NFAT5: variants seen among roughly 807,000 people sequenced by gnomAD.
The protein encoded by NFAT5 is nuclear factor of activated T-cells 5.
NFAT5 carries 31 observed loss-of-function variants against 166.5 expected under a neutral mutation model. That is an observed-to-expected ratio of 0.19 (90% CI 0.14 to 0.25). NFAT5 has a LOEUF of 0.25. NFAT5 is among the 10% of genes least tolerant of loss of function. The pLI is 1.00. For missense variants in NFAT5, 1,449 were observed against 1,821.8 expected (o/e 0.80, Z 3.72); for synonymous variants, 612 against 639.7 (o/e 0.96, Z 0.65).
At chr16:69,629,815 G>A (rs551244885) in intron 3 of NFAT5, among the ~76,000 whole-genome samples, 2 of 148,454 alleles carry the variant, frequency 1.3e-5, no homozygotes, top group East Asian at 2.0e-4. Context: ...TGTCACCCAG[G>A]CTGAATGCAC....
At chr16:69,648,607 G>T in intron 4 of NFAT5, 1 of 983,696 alleles carries the variant, frequency 1.0e-6, no homozygotes, top group Non-Finnish European at 1.2e-6. Context: ...AATATTCACT[G>T]CTATAATGCA....
At chr16:69,648,853 T>A in intron 4 of NFAT5, 1 of 925,368 alleles carries the variant, frequency 1.1e-6, no homozygotes, top group Non-Finnish European at 1.3e-6. Context: ...TTGAATATTA[T>A]AGAGAATATT....
intron 11 of NFAT5, among the ~76,000 whole-genome samples, chr16:69,688,219 A>C (rs1367701327): frequency 6.9e-6 from 1 of 145,606 alleles, no homozygotes; most frequent in South Asian, 2.1e-4. Flanking sequence ...AAAAAAAAAA[A>C]AAAAAAACCA....
At chr16:69,646,994 T>A (rs576853815) in intron 3 of NFAT5, 34 bp from the exon 4 acceptor site, 2 of 1,491,662 alleles carry the variant, frequency 1.3e-6, no homozygotes, top group Non-Finnish European at 1.8e-6. Flanking sequence ...TGAAAACATG[T>A]ATAGTGTATT....
At chr16:69,648,629 C>CT in intron 4 of NFAT5, 1 of 975,348 alleles carries the variant, frequency 1.0e-6, no homozygotes, top group South Asian at 4.7e-5. Flanking sequence ...ACTAGTATGA[C>CT]TTTTAATTCC....
intron 10 of NFAT5, among the ~76,000 whole-genome samples, chr16:69,679,084 C>T (rs1482410940): frequency 6.6e-6 from 1 of 151,986 alleles, no homozygotes; most frequent in Non-Finnish European, 1.5e-5. Context: ...TACAGGCATG[C>T]ACCACCATAC....
intron 2 of NFAT5, among the ~76,000 whole-genome samples, chr16:69,588,957 C>T (rs1318301651): frequency 6.7e-6 from 1 of 148,768 alleles, no homozygotes; most frequent in Admixed American, 6.7e-5. Context: ...TGGTGTTGGA[C>T]CCTCCCTCCT....
intron 7 of NFAT5, among the ~76,000 whole-genome samples, chr16:69,661,517 C>A (rs954835156): frequency 1.2e-4 from 14 of 117,842 alleles, no homozygotes; most frequent in Non-Finnish European, 1.6e-4. Context: ...GCACTCCAGC[C>A]TGTATAAGAG....
chr16:69,576,315 C>T (rs896781894), intron 2 of NFAT5, among the ~76,000 whole-genome samples: 2 of 142,992 alleles, frequency 1.4e-5, no homozygotes, highest in African/African-American at 2.6e-5. Context: ...AAAAAAAGAA[C>T]GTTTGAAATT....
intron 2 of NFAT5, among the ~76,000 whole-genome samples, chr16:69,573,613 C>G (rs1427292369): frequency 6.6e-6 from 1 of 152,102 alleles, no homozygotes; most frequent in Non-Finnish European, 1.5e-5. Context: ...GTCTTTAGAT[C>G]CATCTCTTTC....
intron 11 of NFAT5, among the ~76,000 whole-genome samples, chr16:69,688,225 A>AAAAAAAAAAAAAAAAAAAAAAAAAAAC (rs1567609428): frequency 6.9e-6 from 1 of 144,706 alleles, no homozygotes; most frequent in Non-Finnish European, 1.5e-5. Context: ...AAAAAAAAAA[A>AAAAAAAAAAAAAAAAAAAAAAAAAAAC]ACCAGGAGTT....
chr16:69,694,312 G>C, intron 13 of NFAT5, 73 bp downstream of exon 13: 2 of 1,197,996 alleles, frequency 1.7e-6, no homozygotes, highest in Non-Finnish European at 2.3e-6. Flanking sequence ...GCAGTGGTGC[G>C]ATCTCAGCTC....
chr16:69,587,240 GTA>G (rs1290503218), intron 2 of NFAT5, among the ~76,000 whole-genome samples: 1 of 103,748 alleles, frequency 9.6e-6, no homozygotes, highest in African/African-American at 5.2e-5. Flanking sequence ...CTAATTTTTT[GTA>G]TTTTTTTTTT....
chr16:69,606,540 A>C (rs2033420246), intron 2 of NFAT5, among the ~76,000 whole-genome samples: 1 of 152,172 alleles, frequency 6.6e-6, no homozygotes, highest in Admixed American at 6.5e-5. Context: ...TACTTACTAT[A>C]GGAAGTACAA....
chr16:69,684,196 T>C (rs1411633786), intron 10 of NFAT5, among the ~76,000 whole-genome samples: 2 of 144,980 alleles, frequency 1.4e-5, no homozygotes, highest in East Asian at 4.1e-4. Flanking sequence ...GAGGTGGAGG[T>C]TGCAGTGAGC....
intron 3 of NFAT5, among the ~76,000 whole-genome samples, chr16:69,628,999 G>A (rs1390411399): frequency 7.2e-5 from 11 of 152,150 alleles, no homozygotes; most frequent in South Asian, 6.2e-4. Context: ...GCTTGAACCC[G>A]AGAGGCGGAG....
intron 2 of NFAT5, among the ~76,000 whole-genome samples, chr16:69,576,984 G>C (rs2016796590): frequency 6.6e-6 from 1 of 152,194 alleles, no homozygotes; most frequent in Non-Finnish European, 1.5e-5. Flanking sequence ...GTATGTTTCA[G>C]AGACAAAGTA....
intron 2 of NFAT5, among the ~76,000 whole-genome samples, chr16:69,570,857 C>A (rs1449964108): frequency 6.6e-6 from 1 of 151,992 alleles, no homozygotes; most frequent in East Asian, 1.9e-4. Context: ...CTTCAATTTT[C>A]TCATCTTTAA....
rs553186028 is a variant in NFAT5 at position 69,702,647 on chromosome 16, G to A, written c.*6296G>A. 6.6e-6 allele frequency: 1 copy of A among 152,320 alleles called. No homozygotes were observed. The highest frequency in any genetic ancestry group is 2.4e-5 in the African/African-American group (1 of 41,440). 9.4% of individuals were successfully genotyped at this position (152,320 alleles called of 1,614,324 possible). On this transcript the variant is annotated 3_prime_UTR_variant, in exon 15 of 15. Transcript: ENST00000349945. ...ACTGAGTCAGAAACTCTGGAATAGG[G>A]CCCCCGCAATCTGTTTTCACAAGCC...
Sources: gnomAD v4.1 joint callset for allele counts (sites outside exome capture counted in the v4.1 genomes callset) on GRCh38, gnomAD v4.1.1 for gene constraint, MANE v1.5 for transcripts, NCBI Gene and HGNC (gene_info 2026-07-23, HGNC 2026-07-21) for gene names.